ROBO2: variants seen among roughly 807,000 people sequenced by gnomAD.
ROBO2 encodes the protein roundabout guidance receptor 2.
A neutral mutation model predicts 160.8 loss-of-function variants in ROBO2; 53 were observed. That is an observed-to-expected ratio of 0.33 (90% CI 0.26 to 0.41). The LOEUF (loss-of-function observed/expected upper bound fraction) is 0.41. Among genes scored for constraint, ROBO2 ranks in the 10% least tolerant of loss-of-function variants. The probability of loss-of-function intolerance (pLI) is 1.00; values close to 1 mark genes in which losing one functional copy is unlikely to be tolerated. For missense variants in ROBO2, 1,577 were observed against 1,722.4 expected (o/e 0.92, Z 1.49); for synonymous variants, 664 against 611.7 (o/e 1.09, Z -1.26).
chr3:76,980,495 A>T (rs925362984), intron 2 of ROBO2, among the ~76,000 whole-genome samples: 6 of 152,202 alleles, frequency 3.9e-5, no homozygotes, highest in African/African-American at 1.4e-4. Context: ...GGAGATTCAA[A>T]ATAGCATACC....
chr3:76,929,090 T>C (rs1360468835), intron 2 of ROBO2, among the ~76,000 whole-genome samples: 1 of 152,102 alleles, frequency 6.6e-6, no homozygotes, highest in East Asian at 1.9e-4. Context: ...TGAAACCCCA[T>C]CTGTACTAAA....
intron 2 of ROBO2, among the ~76,000 whole-genome samples, chr3:76,890,728 T>C (rs578231724): frequency 3.3e-5 from 5 of 152,206 alleles, no homozygotes; most frequent in Non-Finnish European, 5.9e-5. Flanking sequence ...CTAGTAACAA[T>C]GCTAGCATTT....
At chr3:76,433,590 A>G (rs2076534896) in intron 2 of ROBO2, among the ~76,000 whole-genome samples, 1 of 152,214 alleles carries the variant, frequency 6.6e-6, no homozygotes, top group African/African-American at 2.4e-5. Flanking sequence ...GGTCACATTT[A>G]TAGTTATTAC....
intron 2 of ROBO2, among the ~76,000 whole-genome samples, chr3:76,820,497 TCC>T (rs1314849678): frequency 2.4e-4 from 36 of 152,182 alleles, no homozygotes; most frequent in African/African-American, 7.2e-4. Context: ...TTTATAGCCA[TCC>T]TGGTAGGGCC....
At chr3:76,344,876 T>C (rs932727790) in intron 2 of ROBO2, among the ~76,000 whole-genome samples, 5 of 152,146 alleles carry the variant, frequency 3.3e-5, no homozygotes, top group Admixed American at 6.6e-5. Context: ...CCAGGGTGTT[T>C]AATACACCTT....
intron 2 of ROBO2, among the ~76,000 whole-genome samples, chr3:77,278,877 C>G (rs962977224): frequency 6.6e-6 from 1 of 152,050 alleles, no homozygotes; most frequent in Admixed American, 6.6e-5. Context: ...CAAACTCAGA[C>G]TCTAAAATTG....
At chr3:77,283,972 T>G (rs2153375905) in intron 2 of ROBO2, among the ~76,000 whole-genome samples, 1 of 152,330 alleles carries the variant, frequency 6.6e-6, no homozygotes, top group Middle Eastern at 3.4e-3. Flanking sequence ...TTACAGAAGT[T>G]TCTATAGCTT....
chr3:77,282,863 G>C (rs1334758979), intron 2 of ROBO2, among the ~76,000 whole-genome samples: 1 of 150,634 alleles, frequency 6.6e-6, no homozygotes, highest in Non-Finnish European at 1.5e-5. Flanking sequence ...CGCTTTACTA[G>C]CATACAAATA....
At chr3:77,187,853 T>A (rs2081420465) in intron 2 of ROBO2, among the ~76,000 whole-genome samples, 1 of 151,954 alleles carries the variant, frequency 6.6e-6, no homozygotes. Context: ...TTGAAATAAG[T>A]AGCAGAAAAT....
At chr3:76,453,664 A>G (rs2077594815) in intron 2 of ROBO2, among the ~76,000 whole-genome samples, 1 of 152,138 alleles carries the variant, frequency 6.6e-6, no homozygotes, top group Admixed American at 6.6e-5. Flanking sequence ...AAAATACCAT[A>G]AATTCAAATA....
chr3:77,373,564 A>G (rs1013647113), intron 2 of ROBO2, among the ~76,000 whole-genome samples: 1 of 152,136 alleles, frequency 6.6e-6, no homozygotes, highest in Non-Finnish European at 1.5e-5. Context: ...CAAAAATAAT[A>G]GTGTTAATAT....
rs528013658 is a variant in ROBO2, at chr3:76,744,233, G to A, written c.110-353781G>A. ...TTTTTCATAGCTTTGGAGGCTGAAA[G>A]TTCAAGACCAAGGTATCATCAGGGT... is the stretch of plus-strand genomic sequence containing the variant. On this transcript the variant is annotated intron_variant, in intron 2 of 26. Transcript: ENST00000487694. 2.0e-3 allele frequency among the ~76,000 whole-genome samples: 307 copies of A among 152,124 alleles called. 1 individual carries two copies. Among genetic ancestry groups the A allele is most frequent in the Non-Finnish European group, 3.5e-3 (241 of 68,004 alleles).
At chr3:76,664,560 T>C (rs1204320096) in intron 2 of ROBO2, among the ~76,000 whole-genome samples, 1 of 152,188 alleles carries the variant, frequency 6.6e-6, no homozygotes, top group African/African-American at 2.4e-5. Flanking sequence ...GAGATAAATA[T>C]GCAAAACTTA....
At chr3:76,787,333 C>A (rs1338964991) in intron 2 of ROBO2, among the ~76,000 whole-genome samples, 1 of 142,674 alleles carries the variant, frequency 7.0e-6, no homozygotes, top group African/African-American at 2.7e-5. Context: ...ACACACCACA[C>A]ACACACACAC....
intron 2 of ROBO2, among the ~76,000 whole-genome samples, chr3:76,729,720 C>A (rs991466791): frequency 6.6e-6 from 1 of 151,708 alleles, no homozygotes; most frequent in East Asian, 1.9e-4. Flanking sequence ...TCCCTGCAGC[C>A]TCTGCCTCCC....
intron 2 of ROBO2, among the ~76,000 whole-genome samples, chr3:76,814,146 G>T (rs1160428159): frequency 6.6e-6 from 1 of 152,116 alleles, no homozygotes; most frequent in African/African-American, 2.4e-5. Flanking sequence ...GTAAGATAAA[G>T]AGCATTCCCA....
chr3:76,228,393 A>G (rs776683454), intron 2 of ROBO2, among the ~76,000 whole-genome samples: 1 of 152,222 alleles, frequency 6.6e-6, no homozygotes, highest in African/African-American at 2.4e-5. Flanking sequence ...AGCATAGATC[A>G]TTAAATCCTA....
intron 2 of ROBO2, among the ~76,000 whole-genome samples, chr3:76,382,200 TTAAATGATCTGCC>T (rs1249278447): frequency 2.6e-5 from 4 of 152,102 alleles, no homozygotes; most frequent in Non-Finnish European, 5.9e-5. Context: ...ACTCTTAGGT[TTAAATGATCTGCC>T]TACCTCGGCC....
intron 2 of ROBO2, among the ~76,000 whole-genome samples, chr3:76,771,580 C>T (rs1020126190): frequency 6.6e-6 from 1 of 151,068 alleles, no homozygotes; most frequent in African/African-American, 2.4e-5. Context: ...TGCCCCAAAC[C>T]ATATATTTAA....
Sources: allele counts gnomAD v4.1 joint callset (sites outside exome capture counted in the v4.1 genomes callset), GRCh38; gene constraint gnomAD v4.1.1; transcripts MANE v1.5; gene names NCBI Gene and HGNC (gene_info 2026-07-23, HGNC 2026-07-21).